UBA2: variants seen among roughly 807,000 people sequenced by gnomAD.
The protein encoded by UBA2 is SUMO-activating enzyme subunit 2.
UBA2 carries 11 observed loss-of-function variants against 77.2 expected under a neutral mutation model. The observed-to-expected ratio is 0.14, with a 90% CI of 0.09 to 0.24. The LOEUF is 0.24. UBA2 is among the 10% of genes least tolerant of loss of function. The probability of loss-of-function intolerance (pLI) is 1.00; values close to 1 mark genes in which losing one functional copy is unlikely to be tolerated. For missense variants in UBA2, 487 were observed against 781.7 expected, an observed-to-expected ratio of 0.62 and a Z score of 4.50; for synonymous variants, 278 against 276.7, an observed-to-expected ratio of 1.00 and a Z score of -0.05.
chr19:34,460,272 A>C (rs2075616477), intron 13 of UBA2, among the ~76,000 whole-genome samples, 198 bp from the exon 14 acceptor site: 1 of 152,186 alleles, frequency 6.6e-6, no homozygotes, highest in South Asian at 2.1e-4. Flanking sequence ...TCTGATCTGC[A>C]TCAGTGGTCA....
At chr19:34,434,527 T>C (rs937084250) in intron 4 of UBA2, among the ~76,000 whole-genome samples, 3 of 152,226 alleles carry the variant, frequency 2.0e-5, no homozygotes, top group African/African-American at 7.2e-5. Flanking sequence ...TATTATCTGC[T>C]AGTTATATTA....
In UBA2 at chr19:34,470,648, CT is replaced by C. The variant is rs2075727102; in HGVS notation, c.*1428del. 2.6e-5 allele frequency: 4 copies of C among 152,256 alleles called. No homozygotes were observed. The highest frequency in any genetic ancestry group is 9.6e-5 in the African/African-American group (4 of 41,490). The allele number at this position is 152,256 out of a possible 1,614,324, so 9.4% of individuals were successfully genotyped here. On this transcript the variant is annotated 3_prime_UTR_variant, in exon 17 of 17. Coordinates refer to ENST00000246548, the MANE Select transcript of UBA2 (RefSeq NM_005499.3). ...AGCGATTCTCCTGTCTCAGCCTCCCCTGTAGCTGGGATTACAGGCGCCCTCC... is the reference window on the plus strand; with the variant it reads ...AGCGATTCTCCTGTCTCAGCCTCCCCGTAGCTGGGATTACAGGCGCCCTCC...
At chr19:34,428,860 C>T in intron 1 of UBA2, 1 of 1,085,402 alleles carries the variant, frequency 9.2e-7, no homozygotes, top group Non-Finnish European at 1.1e-6. Flanking sequence ...GTGAAGCCGC[C>T]TCTTATCCTC....
chr19:34,435,975 G>C (rs1187919823), intron 5 of UBA2, among the ~76,000 whole-genome samples: 1 of 151,708 alleles, frequency 6.6e-6, no homozygotes, highest in Non-Finnish European at 1.5e-5. Context: ...ACAAAAATCA[G>C]CGGGCGTGGT....
chr19:34,435,768 T>TA (rs1164484440), intron 5 of UBA2, among the ~76,000 whole-genome samples: 3 of 150,792 alleles, frequency 2.0e-5, no homozygotes, highest in Non-Finnish European at 4.4e-5. Context: ...AGGTGGAGGT[T>TA]ACAGTGAGCC....
intron 3 of UBA2, 170 bp downstream of exon 3, chr19:34,432,101 T>C: frequency 2.1e-6 from 1 of 485,176 alleles, no homozygotes; most frequent in African/African-American, 2.0e-5. Context: ...AAATACATGG[T>C]TTGAATGATT....
At chr19:34,465,115 T>C (rs540579435) in intron 15 of UBA2, among the ~76,000 whole-genome samples, 4 of 152,190 alleles carry the variant, frequency 2.6e-5, no homozygotes, top group East Asian at 1.9e-4. Context: ...TATTCTGATA[T>C]ATTCATGTGT....
chr19:34,450,275 A>C lies in UBA2; in HGVS notation c.782A>C (p.Asp261Ala). The C allele has an allele frequency of 6.2e-7, 1 of 1,607,324 alleles. No individual in the cohort carries two copies. The highest frequency in any genetic ancestry group is 8.5e-7 in the Non-Finnish European group (1 of 1,177,906). ...PVKLFTKLFKDDIRYLLTMDK... is the reference protein window; with the variant it reads ...PVKLFTKLFKADIRYLLTMDK... The stretch of plus-strand genomic sequence containing the variant: ...TCTTTCTTTTGTAAGCTTTTTAAAG[A>C]TGACATCAGGTATCTGTTGACAATG... Residue 261 changes from aspartate (D) to alanine (A), a missense_variant, in exon 9 of 17, where the codon GAT becomes GCT. This residue lies in a region of UBA2 where 300 missense variants were observed against 454.3 expected (regional missense o/e 0.66). Transcript: ENST00000246548.
chr19:34,431,356 G>A (rs775154655), intron 2 of UBA2, among the ~76,000 whole-genome samples: 2 of 147,742 alleles, frequency 1.4e-5, no homozygotes, highest in African/African-American at 2.5e-5. Flanking sequence ...GGCCTCAAGG[G>A]ATCCTCCTAC....
At chr19:34,467,641 C>T (rs184940610) in intron 16 of UBA2, among the ~76,000 whole-genome samples, 2 of 152,078 alleles carry the variant, frequency 1.3e-5, no homozygotes, top group East Asian at 3.9e-4. Flanking sequence ...CTGGGCGTGG[C>T]AGCATGCGTC....
intron 10 of UBA2, 52 bp from the exon 11 acceptor site, chr19:34,454,208 C>T (rs369768394): frequency 4.8e-6 from 7 of 1,449,080 alleles, no homozygotes; most frequent in African/African-American, 1.4e-5. Flanking sequence ...AGTAATGCTT[C>T]AAAATAGTCA....
At chr19:34,463,654 G>C (rs1038085618) in intron 14 of UBA2, among the ~76,000 whole-genome samples, 2 of 152,072 alleles carry the variant, frequency 1.3e-5, no homozygotes, top group African/African-American at 4.8e-5. Flanking sequence ...TAGCAGGCTG[G>C]AGTGCAGTGG....
intron 5 of UBA2, among the ~76,000 whole-genome samples, chr19:34,436,118 CAAAAA>C (rs201531113): frequency 7.1e-6 from 1 of 140,274 alleles, no homozygotes; most frequent in Non-Finnish European, 1.5e-5. Flanking sequence ...AACTCTGTCT[CAAAAA>C]AAAAAAAACC....
chr19:34,444,552 G>A (rs1304629773), intron 7 of UBA2, among the ~76,000 whole-genome samples: 1 of 152,160 alleles, frequency 6.6e-6, no homozygotes, highest in African/African-American at 2.4e-5. Context: ...CACGCCCGTA[G>A]TCCCAGCATT....
chr19:34,438,519 A>G, intron 5 of UBA2, 126 bp from the exon 6 acceptor site: 2 of 1,190,222 alleles, frequency 1.7e-6, no homozygotes, highest in Non-Finnish European at 2.4e-6. Flanking sequence ...AGTCACTAAT[A>G]TTTTAAAATT....
At chr19:34,463,563 T>C (rs2075655103) in intron 14 of UBA2, among the ~76,000 whole-genome samples, 1 of 130,862 alleles carries the variant, frequency 7.6e-6, no homozygotes, top group Non-Finnish European at 1.7e-5. Flanking sequence ...GATGTCTCTG[T>C]CCAGATTTTG....
chr19:34,461,837 A>T (rs1440907124), intron 14 of UBA2, among the ~76,000 whole-genome samples: 1 of 152,158 alleles, frequency 6.6e-6, no homozygotes, highest in Non-Finnish European at 1.5e-5. Flanking sequence ...TGTACACAGT[A>T]TGAATCTAAG....
chr19:34,429,087 C>A, intron 1 of UBA2: 1 of 983,998 alleles, frequency 1.0e-6, no homozygotes, highest in Non-Finnish European at 1.2e-6. Flanking sequence ...GGAGTGCAAA[C>A]GCTATTTCCA....
At chr19:34,436,448 C>T (rs948042310) in intron 5 of UBA2, among the ~76,000 whole-genome samples, 2 of 152,016 alleles carry the variant, frequency 1.3e-5, no homozygotes, top group Non-Finnish European at 2.9e-5. Context: ...TACAGGCGTG[C>T]GCCACCACGC....
Sources: allele counts gnomAD v4.1 joint callset (sites outside exome capture counted in the v4.1 genomes callset), GRCh38; gene constraint gnomAD v4.1.1; regional missense constraint gnomAD v4.1.1; transcripts MANE v1.5; gene names NCBI Gene and HGNC (gene_info 2026-07-23, HGNC 2026-07-21).